Variants in CEP112 observed in about 807,000 individuals in gnomAD.
CEP112 encodes centrosomal protein of 112 kDa.
Under a neutral mutation model 153.0 loss-of-function variants are expected in CEP112, and 127 were observed. That is an observed-to-expected ratio of 0.83 (90% CI 0.72 to 0.96). The LOEUF (loss-of-function observed/expected upper bound fraction) is 0.96, where lower values mean the gene tolerates loss of function less well. CEP112 is among the 40% of genes least tolerant of loss of function. The pLI, the probability that CEP112 is intolerant of heterozygous loss-of-function variation, is 0.00. For missense variants in CEP112, 1,089 were observed against 1,101.2 expected, an observed-to-expected ratio of 0.99 and a Z score of 0.16; for synonymous variants, 358 against 374.4, an observed-to-expected ratio of 0.96 and a Z score of 0.51.
chr17:65,701,886 C>CTTTTTTTTTTGTTTTTTTTTTTT (rs2048650461), intron 23 of CEP112, among the ~76,000 whole-genome samples: 1 of 129,094 alleles, frequency 7.7e-6, no homozygotes, highest in African/African-American at 2.8e-5. Flanking sequence ...CCTTCAACTT[C>CTTTTTTTTTTGTTTTTTTTTTTT]TTTTTTTTTT....
chr17:66,042,723 A>G (rs1454782078), intron 12 of CEP112, among the ~76,000 whole-genome samples: 1 of 152,240 alleles, frequency 6.6e-6, no homozygotes, highest in Non-Finnish European at 1.5e-5. Context: ...ATATTGATTT[A>G]CTTATTGTGA....
chr17:65,840,535 T>C (rs140122303), intron 21 of CEP112, among the ~76,000 whole-genome samples: 3,592 of 152,160 alleles, frequency 0.024, 65 homozygotes, highest in Non-Finnish European at 0.035. Flanking sequence ...ATGTAAGACC[T>C]GAGAGTATGA....
At chr17:65,929,998 C>G (rs7224630) in intron 18 of CEP112, among the ~76,000 whole-genome samples, 72,465 of 151,786 alleles carry the variant, frequency 0.48, 18,261 homozygotes, top group East Asian at 0.89. Flanking sequence ...CAAAGCAATG[C>G]AGTATTTTAC....
chr17:66,056,012 A>C (rs1372863658), intron 11 of CEP112, among the ~76,000 whole-genome samples: 1 of 152,208 alleles, frequency 6.6e-6, no homozygotes, highest in Admixed American at 6.5e-5. Context: ...TAAAGGGCAA[A>C]CGTTCCTTTA....
chr17:65,670,939 CTG>C (rs2046951176), intron 24 of CEP112, among the ~76,000 whole-genome samples: 1 of 151,896 alleles, frequency 6.6e-6, no homozygotes, highest in African/African-American at 2.4e-5. Flanking sequence ...GTACAGATAA[CTG>C]GGGAATCAAC....
intron 20 of CEP112, among the ~76,000 whole-genome samples, chr17:65,880,178 T>C (rs2059010455): frequency 6.6e-6 from 1 of 152,234 alleles, no homozygotes; most frequent in Non-Finnish European, 1.5e-5. Flanking sequence ...TGATTTTATA[T>C]CTAGTTATTT....
intron 24 of CEP112, among the ~76,000 whole-genome samples, chr17:65,660,490 C>A (rs2046331057): frequency 8.0e-6 from 1 of 124,360 alleles, no homozygotes; most frequent in Non-Finnish European, 1.6e-5. Context: ...TTCCTTCCTT[C>A]CTTCCTTCCT....
At chr17:66,062,423 C>T (rs117607598) in intron 11 of CEP112, among the ~76,000 whole-genome samples, 4,348 of 151,996 alleles carry the variant, frequency 0.029, 108 homozygotes, top group South Asian at 0.045. Flanking sequence ...CCAAAAAGAA[C>T]TGATAAATGT....
At chr17:66,010,817 T>A (rs1190200253) in intron 16 of CEP112, among the ~76,000 whole-genome samples, 1 of 152,168 alleles carries the variant, frequency 6.6e-6, no homozygotes, top group African/African-American at 2.4e-5. Context: ...TATACTTGAT[T>A]GTGGTGAATT....
intron 23 of CEP112, among the ~76,000 whole-genome samples, chr17:65,692,494 T>C (rs1304864715): frequency 2.0e-5 from 3 of 152,186 alleles, no homozygotes; most frequent in African/African-American, 7.2e-5. Flanking sequence ...CCCAAAGTGC[T>C]GGGATCACAG....
intron 4 of CEP112, among the ~76,000 whole-genome samples, chr17:66,154,830 T>G (rs2071369911): frequency 6.6e-6 from 1 of 152,154 alleles, no homozygotes; most frequent in Admixed American, 6.5e-5. Context: ...GTTTCTCTGC[T>G]CCAAAACTCA....
At chr17:66,169,059 T>C (rs12944004) in intron 4 of CEP112, among the ~76,000 whole-genome samples, 20,714 of 152,158 alleles carry the variant, frequency 0.14, 1,815 homozygotes, top group Non-Finnish European at 0.2. Flanking sequence ...GGTGCATTTT[T>C]AAATAAGGTG....
chr17:65,662,348 G>C (rs2046429683), intron 24 of CEP112, among the ~76,000 whole-genome samples: 1 of 152,208 alleles, frequency 6.6e-6, no homozygotes, highest in African/African-American at 2.4e-5. Flanking sequence ...CAATAGTCAT[G>C]TTAGATTGAG....
intron 4 of CEP112, among the ~76,000 whole-genome samples, chr17:66,135,035 C>T (rs888401249): frequency 5.3e-5 from 8 of 152,166 alleles, no homozygotes; most frequent in African/African-American, 1.7e-4. Context: ...ACAAAATCTA[C>T]ATCTATAGTC....
intron 21 of CEP112, among the ~76,000 whole-genome samples, chr17:65,791,014 C>A (rs1462897486): frequency 6.6e-6 from 1 of 151,800 alleles, no homozygotes; most frequent in African/African-American, 2.4e-5. Context: ...ATCCCAATTA[C>A]ACTTTATTTT....
chr17:66,189,368 G>A (rs2073074889), intron 1 of CEP112, among the ~76,000 whole-genome samples: 1 of 152,032 alleles, frequency 6.6e-6, no homozygotes, highest in Admixed American at 6.6e-5. Flanking sequence ...GCTGGGCAAA[G>A]TGGCACACAC....
chr17:65,924,197 C>T (rs1210358530), intron 19 of CEP112, among the ~76,000 whole-genome samples: 2 of 152,070 alleles, frequency 1.3e-5, no homozygotes, highest in Non-Finnish European at 2.9e-5. Flanking sequence ...AGGATGGTCT[C>T]GATCTCCTAA....
At chr17:65,834,404 G>T (rs1214168835) in intron 21 of CEP112, among the ~76,000 whole-genome samples, 1 of 152,010 alleles carries the variant, frequency 6.6e-6, no homozygotes, top group Non-Finnish European at 1.5e-5. Flanking sequence ...TATCAACAGA[G>T]TAAACACACA....
intron 20 of CEP112, among the ~76,000 whole-genome samples, chr17:65,887,954 G>A (rs751342630): frequency 6.6e-5 from 10 of 152,054 alleles, no homozygotes; most frequent in African/African-American, 9.7e-5. Flanking sequence ...TGCCTTAAGC[G>A]TCTTTCTACC....
Sources: gnomAD v4.1 joint callset for allele counts (sites outside exome capture counted in the v4.1 genomes callset) on GRCh38, gnomAD v4.1.1 for gene constraint, MANE v1.5 for transcripts, NCBI Gene and HGNC (gene_info 2026-07-23, HGNC 2026-07-21) for gene names.